Variants in USP13 observed in about 807,000 individuals in gnomAD.
The protein encoded by USP13 is ubiquitin specific peptidase 13.
A neutral mutation model predicts 107.8 loss-of-function variants in USP13; 68 were observed. The ratio of observed to expected loss-of-function variants is 0.63; its 90% CI spans 0.52 to 0.77. The LOEUF (loss-of-function observed/expected upper bound fraction) is 0.77, where lower values mean the gene tolerates loss of function less well. Among genes scored for constraint, USP13 ranks in the 30% least tolerant of loss-of-function variants. USP13 has a pLI of 0.00. For missense variants in USP13, 945 were observed against 1,093.3 expected (o/e 0.86, Z 1.91); for synonymous variants, 377 against 389.5 (o/e 0.97, Z 0.38).
At position 179,786,813 on chromosome 3, in the gene USP13, G is replaced by C. The variant is rs912203974; in HGVS notation, c.*2672G>C. 1 of 152,228 alleles carries C rather than the reference G, an allele frequency of 6.6e-6. No individual in the cohort carries two copies. The highest frequency in any genetic ancestry group is 1.5e-5 in the Non-Finnish European group (1 of 68,046). The allele number at this position is 152,228 out of a possible 1,614,324, so 9.4% of individuals were successfully genotyped here. ...TTAGCAGTCCTCTATGTGAGGCATG[G>C]TGGTCTAATTGTGAAATTCTCCCTG... On this transcript the variant is annotated 3_prime_UTR_variant, in exon 21 of 21. Coordinates refer to ENST00000263966, the MANE Select transcript of USP13 (RefSeq NM_003940.3).
At chr3:179,729,701 A>G (rs1410247096) in intron 8 of USP13, among the ~76,000 whole-genome samples, 2 of 151,956 alleles carry the variant, frequency 1.3e-5, no homozygotes, top group African/African-American at 4.8e-5. Flanking sequence ...TGAACTCCTG[A>G]CCTCCGATGA....
intron 6 of USP13, among the ~76,000 whole-genome samples, chr3:179,710,356 C>G (rs917954505): frequency 6.6e-6 from 1 of 152,206 alleles, no homozygotes; most frequent in African/African-American, 2.4e-5. Flanking sequence ...TGTAGGAATT[C>G]TGTCGGATAA....
At chr3:179,752,447 C>A in intron 14 of USP13, 74 bp downstream of exon 14, 2 of 1,123,616 alleles carry the variant, frequency 1.8e-6, no homozygotes, top group Non-Finnish European at 2.7e-6. Context: ...TGAAAGAGCC[C>A]ATGTAGTTGG....
At position 179,653,604 on chromosome 3, in the gene USP13, A is replaced by G. The variant is rs913285477; in HGVS notation, c.168+211A>G. 1.5e-6 allele frequency: 1 copy of G among 649,214 alleles called. No homozygotes were observed. The highest frequency in any genetic ancestry group is 2.5e-6 in the Non-Finnish European group (1 of 401,578). 40.2% of individuals were successfully genotyped at this position (649,214 alleles called of 1,614,324 possible). A position where few individuals can be genotyped will look rare whatever the true frequency, so the allele number is the denominator to read the frequency against. On this transcript the variant is annotated intron_variant, in intron 1 of 20. Coordinates refer to ENST00000263966, the MANE Select transcript of USP13 (RefSeq NM_003940.3). The surrounding 1 kb of genome is among the most constrained non-coding windows in gnomAD (Gnocchi z 4.0). The stretch of plus-strand genomic sequence containing the variant: ...CTCGTGCTGGTGGTTTTGCTCCGCC[A>G]GCCTCCCCAGGCTGGAAGGGCCCGA...
intron 8 of USP13, among the ~76,000 whole-genome samples, chr3:179,722,670 T>A (rs1320116931): frequency 6.6e-6 from 1 of 152,216 alleles, no homozygotes; most frequent in Non-Finnish European, 1.5e-5. Flanking sequence ...TTAGTTATTT[T>A]AAAATATACG....
intron 6 of USP13, among the ~76,000 whole-genome samples, chr3:179,716,901 T>A (rs1472066167): frequency 6.6e-6 from 1 of 152,020 alleles, no homozygotes; most frequent in Non-Finnish European, 1.5e-5. Flanking sequence ...TGTTCTAAAA[T>A]TTTTTTTTAA....
chr3:179,675,892 T>TA (rs949304573), intron 1 of USP13, among the ~76,000 whole-genome samples: 24 of 152,082 alleles, frequency 1.6e-4, no homozygotes, highest in African/African-American at 5.8e-4. Context: ...ACCATTACTT[T>TA]AAAAAAAGTT....
chr3:179,740,471 C>A, intron 11 of USP13, 99 bp downstream of exon 11: 1 of 1,534,690 alleles, frequency 6.5e-7, no homozygotes, highest in South Asian at 1.2e-5. Flanking sequence ...CCTCCCCACT[C>A]TCTTTCTTCA....
rs1475110528 is a variant in USP13 at position 179,653,176 on chromosome 3, C to G, written c.-50C>G. The stretch of plus-strand genomic sequence containing the variant: ...TGGCGCCGCCGCCGCCGGCAGACCC[C>G]GCGCTCCGGCTCCGGCTCGGCTCGC... On this transcript the variant is annotated 5_prime_UTR_variant, in exon 1 of 21. Transcript: ENST00000263966. This position sits in a 1 kb window ranked among gnomAD's most constrained non-coding sequence, Gnocchi z 4.0. 2.6e-6 allele frequency: 3 copies of G among 1,168,110 alleles called. No individual in the cohort carries two copies. Among genetic ancestry groups the G allele is most frequent in the Non-Finnish European group, 3.2e-6 (3 of 944,544 alleles). The allele number at this position is 1,168,110 out of a possible 1,614,324, so 72.4% of individuals were successfully genotyped here.
At chr3:179,689,554 A>G (rs1352322947) in intron 2 of USP13, among the ~76,000 whole-genome samples, 2 of 151,562 alleles carry the variant, frequency 1.3e-5, no homozygotes, top group Non-Finnish European at 2.9e-5. Flanking sequence ...GCTACTCGGG[A>G]GGTTGAGGCA....
chr3:179,720,347 C>G (rs62290382), intron 7 of USP13, among the ~76,000 whole-genome samples: 1 of 152,114 alleles, frequency 6.6e-6, no homozygotes, highest in Non-Finnish European at 1.5e-5. Flanking sequence ...GTTCGCGAAA[C>G]GCAGATGGTG....
rs1358426369 is a variant in USP13 at position 179,721,531 on chromosome 3, A to G, written c.1030A>G (p.Ser344Gly). The G allele has an allele frequency of 6.2e-7, 1 of 1,614,160 alleles. No homozygotes were observed. The highest frequency in any genetic ancestry group is 2.2e-5 in the East Asian group (1 of 44,882). The change falls in exon 8 of 21, where the codon AGC becomes GGC. Residue 344 changes from serine to glycine, a missense_variant. Transcript: ENST00000263966. This position sits in a 1 kb window ranked among gnomAD's most constrained non-coding sequence, Gnocchi z 4.3. ...GYTGLKNLGNSCYLSSVMQAI... is the reference protein window; with the variant it reads ...GYTGLKNLGNGCYLSSVMQAI... ...CACGGGTCTGAAGAACCTGGGCAAC[A>G]GCTGCTATCTCAGCTCTGTCATGCA...
chr3:179,674,181 C>G (rs1324582818), intron 1 of USP13, among the ~76,000 whole-genome samples: 2 of 152,224 alleles, frequency 1.3e-5, no homozygotes, highest in African/African-American at 4.8e-5. Flanking sequence ...GTGTGAGCCA[C>G]TGCGCCCGGC....
At chr3:179,686,720 A>G (rs1711886905) in intron 2 of USP13, among the ~76,000 whole-genome samples, 1 of 152,246 alleles carries the variant, frequency 6.6e-6, no homozygotes, top group Non-Finnish European at 1.5e-5. Context: ...TCAACATTGC[A>G]GTCTGATCTT....
At chr3:179,757,269 C>A in intron 16 of USP13, 191 bp downstream of exon 16, 1 of 591,044 alleles carries the variant, frequency 1.7e-6, no homozygotes, top group Non-Finnish European at 3.0e-6. Context: ...AGGAGAGTGA[C>A]CATTAGCATG....
chr3:179,735,719 C>T (rs1459746516), intron 10 of USP13, among the ~76,000 whole-genome samples: 1 of 152,074 alleles, frequency 6.6e-6, no homozygotes, highest in African/African-American at 2.4e-5. Context: ...CTTCTTTTAA[C>T]ATAAATATTG....
Position 179,653,097 on chromosome 3 carries a change from C to T in USP13, c.-129C>T, listed in dbSNP as rs1342763899. On this transcript the variant is annotated 5_prime_UTR_variant, in exon 1 of 21. Coordinates refer to ENST00000263966, the MANE Select transcript of USP13 (RefSeq NM_003940.3). This position sits in a 1 kb window ranked among gnomAD's most constrained non-coding sequence, Gnocchi z 4.0. ...CCCCGCAGCCCGCTCTCCCCGCCCG[C>T]CCCGGCTCGGCCGGCTGCCGTTGCC... 9 of 837,404 alleles carry T rather than the reference C, an allele frequency of 1.1e-5. No homozygotes were observed. The highest frequency in any genetic ancestry group is 1.3e-5 in the Non-Finnish European group (9 of 695,978). The allele number at this position is 837,404 out of a possible 1,614,324, so 51.9% of individuals were successfully genotyped here. A position where few individuals can be genotyped will look rare whatever the true frequency, so the allele number is the denominator to read the frequency against.
intron 15 of USP13, among the ~76,000 whole-genome samples, 170 bp from the exon 16 acceptor site, chr3:179,756,882 C>G (rs745710326): frequency 1.3e-5 from 2 of 152,114 alleles, no homozygotes; most frequent in African/African-American, 2.4e-5. Flanking sequence ...ATTACTTTCT[C>G]TTATTACTGA....
intron 17 of USP13, among the ~76,000 whole-genome samples, 194 bp downstream of exon 17, chr3:179,761,449 C>T (rs565208358): frequency 6.6e-6 from 1 of 151,906 alleles, no homozygotes; most frequent in Non-Finnish European, 1.5e-5. Context: ...TTAGGCCAGG[C>T]GTGGGGGCTC....
Sources: gnomAD v4.1 joint callset for allele counts (sites outside exome capture counted in the v4.1 genomes callset) on GRCh38, gnomAD v4.1.1 for gene constraint, Gnocchi (gnomAD v3.1) non-coding constraint, MANE v1.5 for transcripts, NCBI Gene and HGNC (gene_info 2026-07-23, HGNC 2026-07-21) for gene names.